TNRC6C: variants seen among roughly 807,000 people sequenced by gnomAD.
The protein encoded by TNRC6C is trinucleotide repeat-containing gene 6C protein.
In TNRC6C, 20 loss-of-function variants were observed where a neutral mutation model predicts 153.7. The observed-to-expected ratio is 0.13, with a 90% confidence interval of 0.09 to 0.19. TNRC6C has a LOEUF of 0.19. Among genes scored for constraint, TNRC6C ranks in the 10% least tolerant of loss-of-function variants. TNRC6C has a pLI of 1.00. For missense variants in TNRC6C, 1,987 were observed against 2,172.0 expected (o/e 0.91, Z 1.69); for synonymous variants, 811 against 841.4 (o/e 0.96, Z 0.63).
intron 1 of TNRC6C, among the ~76,000 whole-genome samples, chr17:78,007,561 C>T (rs920298261): frequency 1.3e-5 from 2 of 152,212 alleles, no homozygotes; most frequent in Non-Finnish European, 2.9e-5. Context: ...GCTTTCCTAA[C>T]ATTCTAGCAT....
intron 6 of TNRC6C, among the ~76,000 whole-genome samples, chr17:78,071,987 C>T (rs962806272): frequency 2.6e-5 from 4 of 152,212 alleles, no homozygotes; most frequent in Non-Finnish European, 5.9e-5. Flanking sequence ...CAAGGGATGT[C>T]GCCCATATTC....
chr17:78,021,882 A>T (rs923396323), intron 1 of TNRC6C, among the ~76,000 whole-genome samples: 11 of 152,150 alleles, frequency 7.2e-5, no homozygotes, highest in Admixed American at 5.9e-4. Context: ...TTTATTTATA[A>T]TTTTTTAATT....
intron 1 of TNRC6C, among the ~76,000 whole-genome samples, chr17:77,985,142 C>CT (rs1342084871): frequency 6.6e-6 from 1 of 152,146 alleles, no homozygotes; most frequent in Non-Finnish European, 1.5e-5. Flanking sequence ...TTACCACAAA[C>CT]TTAAGAGGTT....
At chr17:78,082,690 C>T (rs963112726) in intron 10 of TNRC6C, among the ~76,000 whole-genome samples, 1 of 152,022 alleles carries the variant, frequency 6.6e-6, no homozygotes, top group African/African-American at 2.4e-5. Context: ...TAGGCTCTCC[C>T]CAAGGGTCGC....
chr17:77,958,528 C>A (rs989647567), upstream of TNRC6C, among the ~76,000 whole-genome samples: 1 of 151,950 alleles, frequency 6.6e-6, no homozygotes, highest in Non-Finnish European at 1.5e-5. Context: ...GAGGGGCGCG[C>A]GGGGGAGGAG....
chr17:78,041,816 G>A (rs534101207), intron 2 of TNRC6C, among the ~76,000 whole-genome samples: 70 of 152,348 alleles, frequency 4.6e-4, no homozygotes, highest in Non-Finnish European at 8.1e-4. Context: ...ACTGTTGAAA[G>A]CATTGCGAAC....
At chr17:78,059,571 G>C (rs548169468) in intron 3 of TNRC6C, among the ~76,000 whole-genome samples, 12 of 152,336 alleles carry the variant, frequency 7.9e-5, no homozygotes, top group Admixed American at 2.0e-4. Context: ...TGTGAGGCCG[G>C]ACACAGTGGC....
chr17:77,976,074 A>T lies in TNRC6C; in HGVS notation c.-38+16806A>T, dbSNP rs527585529. On this transcript the variant is annotated intron_variant, in intron 1 of 22. Transcript: ENST00000636222. ...AGCTAGAAGAAATGAATAATAATATATACTATTACAGGATTATTGTAAGAA... is the reference window on the plus strand; with the variant it reads ...AGCTAGAAGAAATGAATAATAATATTTACTATTACAGGATTATTGTAAGAA... Among the ~76,000 whole-genome samples the T allele has an allele frequency of 2.6e-5, 4 of 152,314 alleles. No homozygotes were observed. The East Asian group carries it at 7.7e-4, about 29-fold the overall frequency.
intron 3 of TNRC6C, among the ~76,000 whole-genome samples, chr17:78,060,324 C>A (rs1024824788): frequency 3.9e-5 from 6 of 152,098 alleles, no homozygotes; most frequent in African/African-American, 1.4e-4. Context: ...AACCAGCCAT[C>A]ATAGTAAATT....
chr17:78,092,661 C>A (rs1326810285), intron 14 of TNRC6C, among the ~76,000 whole-genome samples: 1 of 152,126 alleles, frequency 6.6e-6, no homozygotes, highest in Non-Finnish European at 1.5e-5. Context: ...GGGAGGATCG[C>A]TTGAGCCCAG....
At position 77,960,085 on chromosome 17, in the gene TNRC6C, A is replaced by G. The variant is rs144358356; in HGVS notation, c.-38+817A>G. On this transcript the variant is annotated intron_variant, in intron 1 of 22. Transcript: ENST00000636222. ...GAGGTAGGGGAGGAGGAGCCGCTAG[A>G]TCGTGGCTGCACCTATTGCATTCGA... 3.0e-3 allele frequency among the ~76,000 whole-genome samples: 464 copies of G among 152,268 alleles called. 4 individuals carry two copies. Among genetic ancestry groups the G allele is most frequent in the Non-Finnish European group, 5.0e-3 (337 of 68,016 alleles).
At chr17:77,959,849 GT>G (rs984388215) in intron 1 of TNRC6C, among the ~76,000 whole-genome samples, 6 of 152,176 alleles carry the variant, frequency 3.9e-5, no homozygotes, top group African/African-American at 1.4e-4. Context: ...CGAGCGCCTG[GT>G]TGCCGCCTCT....
intron 1 of TNRC6C, among the ~76,000 whole-genome samples, chr17:77,977,791 T>G (rs928517032): frequency 6.6e-6 from 1 of 151,878 alleles, no homozygotes; most frequent in Non-Finnish European, 1.5e-5. Context: ...TAGGCAAATA[T>G]CTAACTTTAG....
At chr17:77,963,675 G>A (rs1000439845) in intron 1 of TNRC6C, among the ~76,000 whole-genome samples, 3 of 152,182 alleles carry the variant, frequency 2.0e-5, no homozygotes, top group Non-Finnish European at 4.4e-5. Flanking sequence ...ATAGTTGTTC[G>A]CACTCTCCTG....
rs191197470 is a variant in TNRC6C, at chr17:78,054,902, C to T, written c.2395+3445C>T. Among the ~76,000 whole-genome samples, 12 of 151,480 alleles carry T rather than the reference C, an allele frequency of 7.9e-5. 1 individual carries two copies. In the East Asian group the frequency reaches 2.3e-3, roughly 29 times the overall value. On this transcript the variant is annotated intron_variant, in intron 3 of 19. Transcript: ENST00000301624. ...GACTACTGTACGCTACCATACACCA[C>T]TGCGGACTACTGTATGCTACCATAC...
chr17:78,053,641 A>AT (rs1315257142), intron 3 of TNRC6C, among the ~76,000 whole-genome samples: 2 of 151,932 alleles, frequency 1.3e-5, no homozygotes, highest in African/African-American at 4.8e-5. Flanking sequence ...AAAAAAAAAA[A>AT]GAAAGAAAGA....
chr17:78,018,944 TGGTGGCAGCA>T (rs1168711304), intron 1 of TNRC6C, among the ~76,000 whole-genome samples: 12 of 152,220 alleles, frequency 7.9e-5, no homozygotes, highest in Non-Finnish European at 1.6e-4. Flanking sequence ...GAGGAATTCT[TGGTGGCAGCA>T]GGTGCTTATG....
intron 1 of TNRC6C, among the ~76,000 whole-genome samples, chr17:78,018,519 A>G (rs1156838804): frequency 3.9e-5 from 6 of 152,142 alleles, no homozygotes; most frequent in African/African-American, 9.7e-5. Context: ...AGGAGAGGAT[A>G]GGTGGGGATA....
upstream of TNRC6C, among the ~76,000 whole-genome samples, chr17:77,999,656 A>C (rs892931567): frequency 6.6e-6 from 1 of 152,188 alleles, no homozygotes; most frequent in Non-Finnish European, 1.5e-5. Context: ...CATGGTTTCC[A>C]TGGGTTCAGG....
Sources: allele counts gnomAD v4.1 joint callset (sites outside exome capture counted in the v4.1 genomes callset), GRCh38; gene constraint gnomAD v4.1.1; transcripts MANE v1.5; gene names NCBI Gene and HGNC (gene_info 2026-07-23, HGNC 2026-07-21).